The following HPSE2 variants were observed in gnomAD, a reference collection of about 807,000 sequenced individuals.
The protein encoded by HPSE2 is heparanase 2 (inactive), also known as inactive heparanase-2.
Under a neutral mutation model 60.5 loss-of-function variants are expected in HPSE2, and 38 were observed. The ratio of observed to expected loss-of-function variants is 0.63; its 90% CI spans 0.48 to 0.82. The LOEUF (loss-of-function observed/expected upper bound fraction) is 0.82. HPSE2 is among the 40% of genes least tolerant of loss of function. The pLI is 0.00. For missense variants in HPSE2, 713 were observed against 740.4 expected, an observed-to-expected ratio of 0.96 and a Z score of 0.43; for synonymous variants, 295 against 293.2, an observed-to-expected ratio of 1.01 and a Z score of -0.06.
chr10:99,079,272 G>A (rs4281429), intron 3 of HPSE2, among the ~76,000 whole-genome samples: 77,114 of 151,774 alleles, frequency 0.51, 21,364 homozygotes, highest in East Asian at 0.65. Flanking sequence ...CTCCCCAGAG[G>A]GAAGCTGGGA....
At chr10:99,088,816 C>T (rs375741951) in intron 3 of HPSE2, among the ~76,000 whole-genome samples, 1 of 152,292 alleles carries the variant, frequency 6.6e-6, no homozygotes, top group African/African-American at 2.4e-5. Flanking sequence ...TTTACATTCC[C>T]ACCAACAGTG....
chr10:98,873,031 A>G lies in HPSE2; in HGVS notation c.611-128975T>C, dbSNP rs181982615. On this transcript the variant is annotated intron_variant, in intron 3 of 11. Coordinates refer to ENST00000370552, the MANE Select transcript of HPSE2 (RefSeq NM_021828.5). ...AGAAGAGAAGGCTAAACTTGACCACACTTGGTCATCTTAGAGCCATCACGG... is the reference window on the plus strand; with the variant it reads ...AGAAGAGAAGGCTAAACTTGACCACGCTTGGTCATCTTAGAGCCATCACGG... Among the ~76,000 whole-genome samples, 510 of 152,174 alleles carry G rather than the reference A, an allele frequency of 3.4e-3. 5 individuals are homozygous for G. The highest frequency in any genetic ancestry group is 3.5e-3 in the Non-Finnish European group (238 of 68,004).
At chr10:98,512,664 G>A (rs976053363) in intron 9 of HPSE2, among the ~76,000 whole-genome samples, 2 of 151,672 alleles carry the variant, frequency 1.3e-5, no homozygotes, top group East Asian at 1.9e-4. Context: ...AATATGAATT[G>A]TCTCCTTACT....
Position 98,459,245 on chromosome 10 carries a change from G to T in HPSE2, c.*329C>A, listed in dbSNP as rs918389282. On this transcript the variant is annotated 3_prime_UTR_variant, in exon 12 of 12. Transcript: ENST00000370552. ...TAATGCTGTGTGACAGGATCATGGG[G>T]AGTTGTCTGGAAACATTTCTCCTGG... 2 of 370,674 alleles carry T rather than the reference G, an allele frequency of 5.4e-6. No homozygotes were observed. Among genetic ancestry groups the T allele is most frequent in the African/African-American group, 4.2e-5 (2 of 47,918 alleles). 23.0% of individuals were successfully genotyped at this position (370,674 alleles called of 1,614,324 possible). A position where few individuals can be genotyped will look rare whatever the true frequency, so the allele number is the denominator to read the frequency against.
chr10:98,490,216 A>G lies in HPSE2; in HGVS notation c.1321-20T>C. ...GTAGTCCTGAGGAGAATAGAGAGGGAGAGGGTCAGCGAGAGAACACATGCT... is the reference window on the plus strand; with the variant it reads ...GTAGTCCTGAGGAGAATAGAGAGGGGGAGGGTCAGCGAGAGAACACATGCT... On this transcript the variant is annotated intron_variant, in intron 9 of 11. Coordinates refer to ENST00000370552, the MANE Select transcript of HPSE2 (RefSeq NM_021828.5). 1 of 1,613,546 alleles carries G rather than the reference A, an allele frequency of 6.2e-7. No homozygotes were observed. Among genetic ancestry groups the G allele is most frequent in the Non-Finnish European group, 8.5e-7 (1 of 1,179,830 alleles).
chr10:98,804,849 C>A (rs779226373), intron 3 of HPSE2, among the ~76,000 whole-genome samples: 1 of 152,136 alleles, frequency 6.6e-6, no homozygotes, highest in Non-Finnish European at 1.5e-5. Flanking sequence ...TGTTGCAGCA[C>A]TGTTCACAAA....
intron 3 of HPSE2, among the ~76,000 whole-genome samples, chr10:98,903,179 CATATT>C (rs1953713584): frequency 6.6e-6 from 1 of 151,982 alleles, no homozygotes; most frequent in African/African-American, 2.4e-5. Context: ...CCAAAGATTA[CATATT>C]ATATTATTTC....
At chr10:98,648,152 CTT>C (rs1946823979) in intron 6 of HPSE2, among the ~76,000 whole-genome samples, 1 of 152,208 alleles carries the variant, frequency 6.6e-6, no homozygotes, top group African/African-American at 2.4e-5. Flanking sequence ...TCTCCTAACT[CTT>C]TGCACACTTT....
intron 9 of HPSE2, among the ~76,000 whole-genome samples, chr10:98,494,812 C>A (rs2133692319): frequency 6.6e-6 from 1 of 152,148 alleles, no homozygotes; most frequent in South Asian, 2.1e-4. Flanking sequence ...ACCAAAGTAA[C>A]AATAACACTA....
chr10:99,236,086 T>TG (rs1173421194), upstream of HPSE2, among the ~76,000 whole-genome samples: 4 of 150,860 alleles, frequency 2.7e-5, no homozygotes, highest in African/African-American at 9.8e-5. Flanking sequence ...GCCTTCCCCG[T>TG]GACTCTTGCC....
Position 99,140,636 on chromosome 10 carries a change from C to G in HPSE2, c.610+3602G>C, listed in dbSNP as rs573506078. On this transcript the variant is annotated intron_variant, in intron 3 of 11. Transcript: ENST00000370552. ...TTTCATTTGATTACAGCACAAGGAT[C>G]TACCTCAAAAGTTCAATTTATACCT... Among the ~76,000 whole-genome samples, 5 of 152,300 alleles carry G rather than the reference C, an allele frequency of 3.3e-5. No individual in the cohort carries two copies. In the South Asian group the frequency reaches 1.0e-3, roughly 32 times the overall value.
intron 6 of HPSE2, among the ~76,000 whole-genome samples, chr10:98,687,669 T>C (rs538597676): frequency 5.9e-5 from 9 of 152,354 alleles, no homozygotes; most frequent in South Asian, 4.1e-4. Context: ...TATTATGTCT[T>C]CCTGATGAAT....
intron 3 of HPSE2, among the ~76,000 whole-genome samples, chr10:98,948,433 G>A (rs891408431): frequency 6.6e-5 from 10 of 152,238 alleles, no homozygotes; most frequent in African/African-American, 2.2e-4. Context: ...GCCAGATGAT[G>A]AGAAAGACGA....
At chr10:99,046,639 C>CA (rs1957862474) in intron 3 of HPSE2, among the ~76,000 whole-genome samples, 2 of 152,054 alleles carry the variant, frequency 1.3e-5, no homozygotes, top group Admixed American at 1.3e-4. Context: ...TTTCAGGATA[C>CA]AAAATCAATA....
chr10:99,159,582 T>G (rs1005001946), intron 2 of HPSE2, among the ~76,000 whole-genome samples: 1 of 152,226 alleles, frequency 6.6e-6, no homozygotes, highest in East Asian at 1.9e-4. Context: ...TGCAAGTTTT[T>G]GTAAGTCTAA....
intron 3 of HPSE2, among the ~76,000 whole-genome samples, chr10:98,993,974 C>T (rs1956587077): frequency 6.6e-6 from 1 of 152,210 alleles, no homozygotes; most frequent in South Asian, 2.1e-4. Context: ...ACATCCAGAA[C>T]AGTATTCCAT....
intron 4 of HPSE2, among the ~76,000 whole-genome samples, chr10:98,730,713 G>T (rs932544185): frequency 6.6e-6 from 1 of 151,782 alleles, no homozygotes; most frequent in African/African-American, 2.4e-5. Context: ...TAAATAAAAT[G>T]GTAAATTTTT....
intron 3 of HPSE2, chr10:99,047,984 C>G: frequency 1.4e-6 from 1 of 709,174 alleles, no homozygotes; most frequent in Non-Finnish European, 2.6e-6. Flanking sequence ...TTGCCTTCAT[C>G]AAGTCTTCAA....
chr10:99,208,176 G>A (rs1023497102), intron 2 of HPSE2, among the ~76,000 whole-genome samples: 3 of 151,544 alleles, frequency 2.0e-5, no homozygotes, highest in Non-Finnish European at 4.4e-5. Context: ...AGTTCAGAAA[G>A]CAAAACGATG....
Sources: gnomAD v4.1 joint callset for allele counts (sites outside exome capture counted in the v4.1 genomes callset) on GRCh38, gnomAD v4.1.1 for gene constraint, MANE v1.5 for transcripts, NCBI Gene and HGNC (gene_info 2026-07-23, HGNC 2026-07-21) for gene names.